Variants in KALRN observed in about 807,000 individuals in gnomAD.
The protein encoded by KALRN is kalirin.
In KALRN, 70 loss-of-function variants were observed where a neutral mutation model predicts 353.7. The observed-to-expected ratio is 0.20, with a 90% CI of 0.16 to 0.24. KALRN has a LOEUF of 0.24. Among genes scored for constraint, KALRN ranks in the 10% least tolerant of loss-of-function variants. KALRN has a pLI of 1.00. For synonymous variants in KALRN, 1,391 were observed against 1,434.8 expected (o/e 0.97, Z 0.69); for missense variants, 2,791 against 3,756.7 (o/e 0.74, Z 6.72).
chr3:124,380,368 G>C (rs1210454301), intron 10 of KALRN, among the ~76,000 whole-genome samples: 1 of 152,178 alleles, frequency 6.6e-6, no homozygotes, highest in Non-Finnish European at 1.5e-5. Flanking sequence ...CTTAAGGGCT[G>C]AATTATTTAG....
chr3:124,263,078 C>G (rs556747869), intron 3 of KALRN, among the ~76,000 whole-genome samples: 10 of 152,290 alleles, frequency 6.6e-5, no homozygotes, highest in Admixed American at 4.6e-4. Context: ...ACTATTCTGA[C>G]CTTCGTTTTT....
Position 124,543,694 on chromosome 3 carries a change from T to G in KALRN, c.4936-19149T>G, listed in dbSNP as rs191334236. On this transcript the variant is annotated intron_variant, in intron 33 of 59. Coordinates refer to ENST00000682506, the MANE Select transcript of KALRN (RefSeq NM_001388419.1). Reference sequence around the variant, plus strand: ...ATCAGAAATCAGCAGGTTTTTTTTTTTTATTACTTGATGAAAGATAATTCT... The same window carrying G: ...ATCAGAAATCAGCAGGTTTTTTTTTGTTATTACTTGATGAAAGATAATTCT... Among the ~76,000 whole-genome samples, 158 of 152,274 alleles carry G rather than the reference T, an allele frequency of 1.0e-3. 1 individual carries two copies. The highest frequency in any genetic ancestry group is 7.5e-3 in the Admixed American group (115 of 15,294).
chr3:124,206,086 G>A (rs1376931917), intron 1 of KALRN, among the ~76,000 whole-genome samples: 1 of 152,152 alleles, frequency 6.6e-6, no homozygotes, highest in Non-Finnish European at 1.5e-5. Context: ...ATAAGAGAGT[G>A]TTCCCTGCTT....
intron 33 of KALRN, among the ~76,000 whole-genome samples, chr3:124,531,246 GGTGA>G (rs1411378084): frequency 6.6e-6 from 1 of 152,164 alleles, no homozygotes; most frequent in Admixed American, 6.5e-5. Context: ...AGAAATATTT[GGTGA>G]GTGTCAGAAT....
chr3:124,407,148 G>C (rs892666969), intron 13 of KALRN, among the ~76,000 whole-genome samples: 10 of 151,942 alleles, frequency 6.6e-5, no homozygotes, highest in Admixed American at 5.9e-4. Context: ...TGAAGCCTTG[G>C]TTTCCTCATT....
At chr3:124,399,883 A>C (rs2090637722) in intron 13 of KALRN, among the ~76,000 whole-genome samples, 1 of 152,188 alleles carries the variant, frequency 6.6e-6, no homozygotes, top group African/African-American at 2.4e-5. Flanking sequence ...AGCCAGGCCA[A>C]TAGGGTTTCT....
intron 37 of KALRN, among the ~76,000 whole-genome samples, 172 bp from the exon 38 acceptor site, chr3:124,650,636 C>A: frequency 6.6e-6 from 1 of 152,250 alleles, no homozygotes; most frequent in East Asian, 1.9e-4. Context: ...GCTCTGGGCT[C>A]CCTGCTGCAG....
chr3:124,558,373 G>C (rs572535949), intron 33 of KALRN, among the ~76,000 whole-genome samples: 2 of 152,120 alleles, frequency 1.3e-5, no homozygotes, highest in South Asian at 4.2e-4. Context: ...TGCTTCCCAG[G>C]TTTGTGCAAT....
At chr3:124,674,640 G>A (rs777924294) in intron 49 of KALRN, 26 bp downstream of exon 49, 10 of 1,545,978 alleles carry the variant, frequency 6.5e-6, no homozygotes, top group African/African-American at 1.4e-5. Flanking sequence ...GCTTCCCCGG[G>A]AGAGGAGTAT....
At chr3:124,346,966 C>T (rs1560630777) in intron 9 of KALRN, among the ~76,000 whole-genome samples, 177 bp from the exon 10 acceptor site, 1 of 152,246 alleles carries the variant, frequency 6.6e-6, no homozygotes, top group Middle Eastern at 3.4e-3. Context: ...TATGATATTG[C>T]CAATGACAGT....
chr3:124,381,661 C>T (rs556824134), intron 10 of KALRN, among the ~76,000 whole-genome samples: 1 of 152,214 alleles, frequency 6.6e-6, no homozygotes, highest in South Asian at 2.1e-4. Flanking sequence ...TTTTGCCACT[C>T]TCCAATTTTA....
chr3:124,452,259 A>G (rs962833572), intron 21 of KALRN, among the ~76,000 whole-genome samples: 3 of 152,236 alleles, frequency 2.0e-5, no homozygotes, highest in Non-Finnish European at 2.9e-5. Flanking sequence ...CTTCTTCCCA[A>G]TAAAAATCTT....
chr3:124,310,225 A>G (rs1354367583), intron 6 of KALRN, among the ~76,000 whole-genome samples: 1 of 143,748 alleles, frequency 7.0e-6, no homozygotes, highest in Non-Finnish European at 1.6e-5. Flanking sequence ...TGTAAAACTT[A>G]TACTCTGAAA....
At chr3:124,502,406 A>G (rs1276795388) in intron 33 of KALRN, among the ~76,000 whole-genome samples, 1 of 152,174 alleles carries the variant, frequency 6.6e-6, no homozygotes, top group Non-Finnish European at 1.5e-5. Context: ...AGCTGTGAGC[A>G]GCCAACAGGC....
intron 1 of KALRN, chr3:124,163,611 T>A: frequency 1.0e-6 from 1 of 985,142 alleles, no homozygotes; most frequent in Non-Finnish European, 1.2e-6. Context: ...CATAATAGGT[T>A]CTAACATGGA....
Position 124,679,478 on chromosome 3 carries a change from A to C in KALRN, c.7338A>C (p.Glu2446Asp). The stretch of plus-strand genomic sequence containing the variant: ...TCAAGGAGACGAACAGTTCCGAGGA[A>C]TCAGAGTGTGATGATCTTGACCCTA... ...VSVKETNSSE[E>D]SECDDLDPNT... The change falls in exon 51 of 60, where the codon GAA becomes GAC. Residue 2446 changes from glutamate (E) to aspartate (D), a missense_variant. Physicochemically the swap from Glu to Asp is conservative, Grantham distance 45. Transcript: ENST00000682506. 1 of 1,614,104 alleles carries C rather than the reference A, an allele frequency of 6.2e-7. No individual in the cohort carries two copies. The highest frequency in any genetic ancestry group is 1.1e-5 in the South Asian group (1 of 91,072).
intron 21 of KALRN, among the ~76,000 whole-genome samples, chr3:124,452,675 G>A (rs1272542109): frequency 2.0e-5 from 3 of 152,028 alleles, no homozygotes; most frequent in Admixed American, 6.6e-5. Flanking sequence ...AGGTGGAGCC[G>A]CATGGGGAAG....
chr3:124,259,336 T>G (rs1190587925), intron 3 of KALRN, among the ~76,000 whole-genome samples: 1 of 152,204 alleles, frequency 6.6e-6, no homozygotes, highest in African/African-American at 2.4e-5. Flanking sequence ...CAGAGATGGT[T>G]ACAGGCATCA....
intron 1 of KALRN, among the ~76,000 whole-genome samples, chr3:124,131,823 A>G (rs1312065571): frequency 6.6e-6 from 1 of 152,168 alleles, no homozygotes; most frequent in Non-Finnish European, 1.5e-5. Context: ...TAGACAACCC[A>G]GGCCCATTTC....
Sources: allele counts gnomAD v4.1 joint callset (sites outside exome capture counted in the v4.1 genomes callset), GRCh38; gene constraint gnomAD v4.1.1; transcripts MANE v1.5; gene names NCBI Gene and HGNC (gene_info 2026-07-23, HGNC 2026-07-21).